Variants in ZNF33A observed in about 807,000 individuals in gnomAD.
ZNF33A encodes zinc finger protein 33A, also known as brain my041 protein.
Under a neutral mutation model 15.9 loss-of-function variants are expected in ZNF33A, and 9 were observed. The ratio of observed to expected loss-of-function variants is 0.57; its 90% CI spans 0.34 to 0.99. The LOEUF (loss-of-function observed/expected upper bound fraction) is 0.99, where lower values mean the gene tolerates loss of function less well. Ranked by LOEUF, ZNF33A falls within the 50% of genes least tolerant of loss-of-function variation. ZNF33A has a pLI of 0.02. For missense variants in ZNF33A, 843 were observed against 941.6 expected, an observed-to-expected ratio of 0.90 and a Z score of 1.37; for synonymous variants, 294 against 324.2, an observed-to-expected ratio of 0.91 and a Z score of 1.00.
intron 4 of ZNF33A, among the ~76,000 whole-genome samples, chr10:38,026,186 CA>C (rs2064977745): frequency 6.6e-6 from 1 of 152,206 alleles, no homozygotes; most frequent in South Asian, 2.1e-4. Flanking sequence ...AATAATGCTT[CA>C]GTGAACACTG....
intron 4 of ZNF33A, 131 bp from the exon 5 acceptor site, chr10:38,054,244 G>A: frequency 1.1e-6 from 1 of 938,072 alleles, no homozygotes; most frequent in Non-Finnish European, 1.5e-6. Context: ...ATATGCACTT[G>A]CAATTATGTT....
Position 38,060,029 on chromosome 10 carries a change from C to G in ZNF33A, c.*3469C>G. 1 of 984,544 alleles carries G rather than the reference C, an allele frequency of 1.0e-6. No individual in the cohort carries two copies. The highest frequency in any genetic ancestry group is 1.2e-6 in the Non-Finnish European group (1 of 829,154). The allele number at this position is 984,544 out of a possible 1,614,324, so 61.0% of individuals were successfully genotyped here. On this transcript the variant is annotated 3_prime_UTR_variant, in exon 5 of 5. Transcript: ENST00000432900. ...AGCTACTCTAAAAAATGAAGTGTAT[C>G]AAGTAAATAAATAACCAACCAACCA...
At position 38,025,941 on chromosome 10, in the gene ZNF33A, C is replaced by T. The variant is rs908179225; in HGVS notation, c.250+8555C>T. ...AAGCAGTAACTACTCATTCCCCCCT[C>T]CTGCCAGCCTATGGTAACCCCTTAT... On this transcript the variant is annotated intron_variant, in intron 4 of 4. Transcript: ENST00000432900. Among the ~76,000 whole-genome samples the T allele has an allele frequency of 3.9e-5, 6 of 152,158 alleles. No homozygotes were observed. The South Asian group carries it at 1.2e-3, about 32-fold the overall frequency.
upstream of ZNF33A, chr10:38,010,604 A>C (rs374018863): frequency 2.4e-4 from 270 of 1,117,024 alleles, no homozygotes; most frequent in Non-Finnish European, 2.9e-4. Context: ...GGTAGTTTCC[A>C]GGTAGGGCGC....
chr10:38,040,110 T>C (rs1023583032), intron 4 of ZNF33A, among the ~76,000 whole-genome samples: 19 of 146,270 alleles, frequency 1.3e-4, no homozygotes, highest in Admixed American at 2.0e-4. Context: ...CTTCTTTAAC[T>C]TTTTTTTTTA....
chr10:38,040,645 G>A (rs555999507), intron 4 of ZNF33A, among the ~76,000 whole-genome samples: 1 of 152,238 alleles, frequency 6.6e-6, no homozygotes, highest in South Asian at 2.1e-4. Context: ...CCATGTGCCG[G>A]ATATATCTTT....
In ZNF33A at chr10:38,056,186, A is replaced by G. The variant is rs2066472139; in HGVS notation, c.2062A>G (p.Thr688Ala). The change falls in exon 5 of 5, where the codon ACG (threonine) becomes GCG (alanine). Residue 688 changes from threonine (T) to alanine (A), a missense_variant. Thr to Ala is a moderately conservative substitution (Grantham distance 58). Transcript: ENST00000432900. ...ACTTATTTTCCATGAGAGAAAGCACACGGGGGAGAAACCCTATGAATGCAA... is the reference window on the plus strand; with the variant it reads ...ACTTATTTTCCATGAGAGAAAGCACGCGGGGGAGAAACCCTATGAATGCAA... ...SGLIFHERKH[T>A]GEKPYECNEC... The G allele has an allele frequency of 6.2e-7, 1 of 1,614,042 alleles. No homozygotes were observed. Among genetic ancestry groups the G allele is most frequent in the Non-Finnish European group, 8.5e-7 (1 of 1,180,000 alleles).
chr10:38,039,293 G>A (rs2065591365), intron 4 of ZNF33A: 1 of 357,838 alleles, frequency 2.8e-6, no homozygotes, highest in South Asian at 2.1e-5. Context: ...GTGCAGTCAT[G>A]GCTCACTGCA....
At chr10:38,024,050 T>A (rs1253554238) in intron 4 of ZNF33A, among the ~76,000 whole-genome samples, 2 of 147,556 alleles carry the variant, frequency 1.4e-5, no homozygotes, top group Non-Finnish European at 3.0e-5. Context: ...CCCAGCTACG[T>A]GGGAGGCAGG....
downstream of ZNF33A, among the ~76,000 whole-genome samples, chr10:38,061,084 G>T (rs538289463): frequency 1.3e-5 from 2 of 152,232 alleles, no homozygotes; most frequent in East Asian, 1.9e-4. Flanking sequence ...AGGTCTGGCT[G>T]GAGCTCTCTG....
Position 38,057,736 on chromosome 10 carries a change from A to AG in ZNF33A, c.*1179dup, listed in dbSNP as rs1482738203. 2 of 985,358 alleles carry AG rather than the reference A, an allele frequency of 2.0e-6. No individual in the cohort carries two copies. The highest frequency in any genetic ancestry group is 2.4e-6 in the Non-Finnish European group (2 of 829,972). 61.0% of individuals were successfully genotyped at this position (985,358 alleles called of 1,614,324 possible). On this transcript the variant is annotated 3_prime_UTR_variant, in exon 5 of 5. Coordinates refer to ENST00000432900, the MANE Select transcript of ZNF33A (RefSeq NM_006954.2). ...GCTCATGCCATGCCATGAAGTGCCT[A>AG]GGGTACATATGTGAACATTCCAGCC...
At chr10:38,053,040 TC>T (rs2066281934) in intron 4 of ZNF33A, among the ~76,000 whole-genome samples, 1 of 152,068 alleles carries the variant, frequency 6.6e-6, no homozygotes, top group Non-Finnish European at 1.5e-5. Context: ...TTCTTTCTGA[TC>T]CAATTTTCTT....
chr10:38,036,624 C>A (rs2065466985), intron 4 of ZNF33A, among the ~76,000 whole-genome samples: 2 of 151,954 alleles, frequency 1.3e-5, no homozygotes, highest in Non-Finnish European at 2.9e-5. Flanking sequence ...CTACAAGAAA[C>A]CTACTGCTAA....
chr10:38,028,097 T>C (rs1314362749), intron 4 of ZNF33A, among the ~76,000 whole-genome samples: 2 of 151,850 alleles, frequency 1.3e-5, no homozygotes, highest in Non-Finnish European at 2.9e-5. Context: ...TGAGACTCTG[T>C]TTCTACAAAA....
At chr10:38,028,294 A>T (rs1301011628) in intron 4 of ZNF33A, among the ~76,000 whole-genome samples, 14 of 151,994 alleles carry the variant, frequency 9.2e-5, no homozygotes, top group African/African-American at 3.1e-4. Flanking sequence ...AAAATAAAAT[A>T]AAATAAAATC....
At chr10:38,042,065 A>G (rs1248781339) in intron 4 of ZNF33A, among the ~76,000 whole-genome samples, 1 of 152,136 alleles carries the variant, frequency 6.6e-6, no homozygotes. Flanking sequence ...GGAAGTATCT[A>G]TTCGTAGAGT....
In ZNF33A at chr10:38,055,982, C is replaced by G. The variant is rs1564882521; in HGVS notation, c.1858C>G (p.Gln620Glu). ...TAATGAATGTGGAAAAGCCTTCTACCAGAAGTCACAACTCACTCAGCATCA... is the reference window on the plus strand; with the variant it reads ...TAATGAATGTGGAAAAGCCTTCTACGAGAAGTCACAACTCACTCAGCATCA... ...ECNECGKAFY[Q>E]KSQLTQHQRI... The change falls in exon 5 of 5, where the codon CAG becomes GAG. Residue 620 changes from glutamine to glutamate, a missense_variant. Coordinates refer to ENST00000432900, the MANE Select transcript of ZNF33A (RefSeq NM_006954.2). 1 of 1,613,770 alleles carries G rather than the reference C, an allele frequency of 6.2e-7. No homozygotes were observed. Among genetic ancestry groups the G allele is most frequent in the Non-Finnish European group, 8.5e-7 (1 of 1,179,908 alleles).
intron 2 of ZNF33A, among the ~76,000 whole-genome samples, chr10:38,015,520 AT>A (rs1310837427): frequency 6.6e-6 from 1 of 151,948 alleles, no homozygotes; most frequent in Non-Finnish European, 1.5e-5. Context: ...GGGTTTCACC[AT>A]TTTTGTCAGG....
intron 4 of ZNF33A, among the ~76,000 whole-genome samples, chr10:38,033,600 GT>G (rs2065309225): frequency 1.3e-5 from 2 of 151,980 alleles, no homozygotes; most frequent in Middle Eastern, 3.2e-3. Context: ...AGTTTCTCTA[GT>G]TTGCAACATT....
Sources: allele counts gnomAD v4.1 joint callset (sites outside exome capture counted in the v4.1 genomes callset), GRCh38; gene constraint gnomAD v4.1.1; transcripts MANE v1.5; gene names NCBI Gene and HGNC (gene_info 2026-07-23, HGNC 2026-07-21).